Variants in HESX1 observed in about 807,000 individuals in gnomAD.
The protein encoded by HESX1 is homeobox expressed in ES cells 1.
HESX1 carries 11 observed loss-of-function variants against 22.5 expected under a neutral mutation model. The ratio of observed to expected loss-of-function variants is 0.49; its 90% CI spans 0.31 to 0.81. HESX1 has a LOEUF of 0.81. Among genes scored for constraint, HESX1 ranks in the 30% least tolerant of loss-of-function variants. The pLI is 0.05. For synonymous variants in HESX1, 74 were observed against 76.5 expected (o/e 0.97, Z 0.17); for missense variants, 201 against 212.6 (o/e 0.95, Z 0.34).
chr3:57,213,740 C>T (rs554997348), intron 1 of HESX1, among the ~76,000 whole-genome samples: 62 of 152,286 alleles, frequency 4.1e-4, no homozygotes, highest in African/African-American at 1.4e-3. Flanking sequence ...TCCTGGCCAA[C>T]ATGGTGAAAC....
At position 57,198,191 on chromosome 3, in the gene HESX1, TTCTA is replaced by T. The variant is rs1324233277; in HGVS notation, c.*2_*5del. ...AGAAGATAATTTCACTTGTTTAGTTTTCTATCTATTCCAGCAGATTTGTGTTGAA... is the reference window on the plus strand; with the variant it reads ...AGAAGATAATTTCACTTGTTTAGTTTTCTATTCCAGCAGATTTGTGTTGAA... On this transcript the variant is annotated 3_prime_UTR_variant, in exon 4 of 4. Coordinates refer to ENST00000295934, the MANE Select transcript of HESX1 (RefSeq NM_003865.3). 2.6e-6 allele frequency: 4 copies of T among 1,533,244 alleles called. No homozygotes were observed. Among genetic ancestry groups the T allele is most frequent in the Non-Finnish European group, 3.6e-6 (4 of 1,106,982 alleles). 95.0% of individuals were successfully genotyped at this position (1,533,244 alleles called of 1,614,324 possible).
At chr3:57,222,890 G>A (rs9859663) in intron 1 of HESX1, among the ~76,000 whole-genome samples, 67,658 of 151,752 alleles carry the variant, frequency 0.45, 15,664 homozygotes, top group East Asian at 0.85. Context: ...ATAGCATCAG[G>A]ATTCTCTAAG....
chr3:57,215,525 T>C (rs983059921), intron 1 of HESX1, among the ~76,000 whole-genome samples: 8 of 151,960 alleles, frequency 5.3e-5, no homozygotes, highest in African/African-American at 1.7e-4. Context: ...TCCCAGCACT[T>C]CTGGAGGCTG....
chr3:57,210,238 T>C (rs1396260582), intron 1 of HESX1, among the ~76,000 whole-genome samples: 1 of 152,262 alleles, frequency 6.6e-6, no homozygotes, highest in Non-Finnish European at 1.5e-5. Context: ...ACAGTCTATA[T>C]TTCAAATATC....
intron 1 of HESX1, among the ~76,000 whole-genome samples, chr3:57,206,671 A>G (rs1032715600): frequency 6.6e-6 from 1 of 152,218 alleles, no homozygotes; most frequent in Non-Finnish European, 1.5e-5. Context: ...TTAGCATCAA[A>G]AACCAAGATA....
intron 1 of HESX1, among the ~76,000 whole-genome samples, chr3:57,218,299 C>G: frequency 6.6e-6 from 1 of 151,964 alleles, no homozygotes; most frequent in Non-Finnish European, 1.5e-5. Context: ...GTTGTTGCCT[C>G]TTTGTGTCTA....
intron 1 of HESX1, among the ~76,000 whole-genome samples, chr3:57,224,677 T>C (rs913707182): frequency 7.2e-5 from 11 of 152,316 alleles, no homozygotes; most frequent in African/African-American, 2.6e-4. Context: ...TGGAAACCAC[T>C]GACCTAAAGG....
At chr3:57,212,571 A>AAAAAAAAAAAAAAAAAAT (rs2060561702) in intron 1 of HESX1, among the ~76,000 whole-genome samples, 1 of 151,774 alleles carries the variant, frequency 6.6e-6, no homozygotes, top group African/African-American at 2.4e-5. Context: ...AAAAAAAAAA[A>AAAAAAAAAAAAAAAAAAT]AAAGATTCAT....
upstream of HESX1, among the ~76,000 whole-genome samples, chr3:57,226,688 C>T (rs2060647973): frequency 6.6e-6 from 1 of 152,078 alleles, no homozygotes; most frequent in South Asian, 2.1e-4. Flanking sequence ...GATTTGTTCC[C>T]ATGTATCTGT....
intron 1 of HESX1, among the ~76,000 whole-genome samples, chr3:57,210,132 A>G (rs1039859931): frequency 4.6e-5 from 7 of 152,254 alleles, no homozygotes; most frequent in African/African-American, 1.4e-4. Context: ...AAAACTTTGC[A>G]TATGATATCA....
chr3:57,209,772 A>C (rs2060542253), intron 1 of HESX1, among the ~76,000 whole-genome samples: 2 of 152,180 alleles, frequency 1.3e-5, no homozygotes, highest in Non-Finnish European at 2.9e-5. Flanking sequence ...CACCATTAAA[A>C]TAGTATCTTC....
Position 57,198,822 on chromosome 3 carries a change from T to C in HESX1, c.288A>G (p.Arg96=). Reference sequence around the variant, plus strand: ...AACTCAACTCTCTTTTCAAAGACAGTCTTTCTGAGGCTGAAAAGTAATTTT... The same window carrying C: ...AACTCAACTCTCTTTTCAAAGACAGCCTTTCTGAGGCTGAAAAGTAATTTT... The part of the protein sequence containing the change: ...KYENYFSASE[R]LSLKRELSWY... The change falls in exon 2 of 4, where the codon AGA becomes AGG. Residue 96 remains arginine (R), a synonymous_variant. Transcript: ENST00000295934. 4.3e-6 allele frequency: 7 copies of C among 1,614,180 alleles called. No individual in the cohort carries two copies. The highest frequency in any genetic ancestry group is 5.1e-6 in the Non-Finnish European group (6 of 1,180,012).
At chr3:57,216,622 T>A (rs1386953186) in intron 1 of HESX1, among the ~76,000 whole-genome samples, 1 of 152,104 alleles carries the variant, frequency 6.6e-6, no homozygotes, top group Non-Finnish European at 1.5e-5. Flanking sequence ...AAATAAAAAA[T>A]AAAGTTATAT....
In HESX1 at chr3:57,199,863, C is replaced by T. The variant is rs200221448; in HGVS notation, c.56G>A (p.Cys19Tyr). The change falls in exon 1 of 4, where the codon TGC becomes TAC. Residue 19 changes from cysteine (C) to tyrosine (Y), a missense_variant. By Grantham distance (194) the Cys-to-Tyr change is radical. Transcript: ENST00000295934. ...AQLGENKPST[C>Y]SFSIERILGL... is the part of the protein sequence containing the mutation. ...TAAGATTCTCTCAATTGAAAAGGAGCAAGTTGAGGGTTTGTTTTCCCCGAG... is the reference window on the plus strand; with the variant it reads ...TAAGATTCTCTCAATTGAAAAGGAGTAAGTTGAGGGTTTGTTTTCCCCGAG... 9.3e-6 allele frequency: 15 copies of T among 1,613,952 alleles called. No individual in the cohort carries two copies. The East Asian group carries it at 3.3e-4, about 36-fold the overall frequency.
intron 1 of HESX1, among the ~76,000 whole-genome samples, chr3:57,221,312 C>T (rs780595082): frequency 1.3e-5 from 2 of 151,986 alleles, no homozygotes; most frequent in Non-Finnish European, 2.9e-5. Flanking sequence ...CACCACCATA[C>T]CCAGCCAATT....
intron 1 of HESX1, among the ~76,000 whole-genome samples, chr3:57,210,255 T>G (rs1192370644): frequency 6.6e-6 from 1 of 152,234 alleles, no homozygotes; most frequent in African/African-American, 2.4e-5. Context: ...TATCTATACA[T>G]ACAAGATGAA....
intron 1 of HESX1, among the ~76,000 whole-genome samples, chr3:57,205,832 T>C (rs1470367964): frequency 6.6e-6 from 1 of 152,210 alleles, no homozygotes. Flanking sequence ...TATAGGTTTA[T>C]TATGTTTATT....
chr3:57,220,365 T>C (rs2107584684), intron 1 of HESX1, among the ~76,000 whole-genome samples: 1 of 152,350 alleles, frequency 6.6e-6, no homozygotes, highest in East Asian at 1.9e-4. Context: ...CTTTTCCCTT[T>C]AAATCAAAGG....
chr3:57,207,530 A>T (rs1171448879), intron 1 of HESX1, among the ~76,000 whole-genome samples: 2 of 152,210 alleles, frequency 1.3e-5, no homozygotes, highest in African/African-American at 2.4e-5. Flanking sequence ...TGGACTTTCC[A>T]TATCAGTACT....
Sources: gnomAD v4.1 joint callset for allele counts (sites outside exome capture counted in the v4.1 genomes callset) on GRCh38, gnomAD v4.1.1 for gene constraint, MANE v1.5 for transcripts, NCBI Gene and HGNC (gene_info 2026-07-23, HGNC 2026-07-21) for gene names.